The following PI4K2A variants were observed in gnomAD, a reference collection of about 807,000 sequenced individuals.
The protein encoded by PI4K2A is phosphatidylinositol 4-kinase type 2-alpha.
PI4K2A carries 20 observed loss-of-function variants against 55.0 expected under a neutral mutation model. That is an observed-to-expected ratio of 0.36 (90% confidence interval 0.26 to 0.53). PI4K2A has a LOEUF of 0.53. PI4K2A is among the 20% of genes least tolerant of loss of function. The probability of loss-of-function intolerance (pLI) is 0.91; values close to 1 mark genes in which losing one functional copy is unlikely to be tolerated. For synonymous variants in PI4K2A, 235 were observed against 258.5 expected, an observed-to-expected ratio of 0.91 and a Z score of 0.87; for missense variants, 463 against 637.1, an observed-to-expected ratio of 0.73 and a Z score of 2.94.
intron 1 of PI4K2A, among the ~76,000 whole-genome samples, chr10:97,650,640 A>G (rs563484562): frequency 1.9e-4 from 29 of 152,312 alleles, no homozygotes; most frequent in African/African-American, 6.0e-4. Context: ...TGTTTGAAGC[A>G]CAAAGTTAGA....
chr10:97,664,784 A>T (rs962539493), intron 5 of PI4K2A, 101 bp from the exon 6 acceptor site: 1 of 733,822 alleles, frequency 1.4e-6, no homozygotes. Context: ...TTCAATAAGA[A>T]TTCTTCTCTT....
At chr10:97,664,388 G>C (rs909371871) in intron 5 of PI4K2A, among the ~76,000 whole-genome samples, 2 of 152,178 alleles carry the variant, frequency 1.3e-5, no homozygotes, top group Admixed American at 1.3e-4. Context: ...CACTGAAGCA[G>C]GAGAACAGAC....
chr10:97,671,531 A>G (rs2041635240), intron 8 of PI4K2A, among the ~76,000 whole-genome samples: 1 of 152,214 alleles, frequency 6.6e-6, no homozygotes, highest in South Asian at 2.1e-4. Context: ...CTTTTCTCTA[A>G]ATTTAAAATT....
chr10:97,667,218 CTT>C, intron 8 of PI4K2A, 98 bp downstream of exon 8: 2 of 729,980 alleles, frequency 2.7e-6, no homozygotes, highest in Admixed American at 2.4e-5. Context: ...ATACCCCCCC[CTT>C]TTTTTTTGAG....
chr10:97,656,771 T>C lies in PI4K2A; in HGVS notation c.769-50T>C. On this transcript the variant is annotated intron_variant, in intron 3 of 8. Transcript: ENST00000370631. The surrounding 1 kb of genome is among the most constrained non-coding windows in gnomAD (Gnocchi z 4.5). ...TATCTGGCATATACTCCAAAGGTCT[T>C]TGGATTTGGGCAGTAGGGAAAAACC... 6.3e-7 allele frequency: 1 copy of C among 1,583,960 alleles called. No individual in the cohort carries two copies. Among genetic ancestry groups the C allele is most frequent in the Non-Finnish European group, 8.7e-7 (1 of 1,154,176 alleles).
At chr10:97,645,998 G>A (rs2041503278) in intron 1 of PI4K2A, among the ~76,000 whole-genome samples, 1 of 152,014 alleles carries the variant, frequency 6.6e-6, no homozygotes. Flanking sequence ...TGTGGCCCAG[G>A]GATCTTGACC....
intron 6 of PI4K2A, 138 bp downstream of exon 6, chr10:97,665,122 A>T (rs745536025): frequency 2.4e-5 from 14 of 576,604 alleles, no homozygotes; most frequent in Non-Finnish European, 4.3e-5. Flanking sequence ...ACTTTAACAC[A>T]ATGGCTGGCA....
intron 8 of PI4K2A, among the ~76,000 whole-genome samples, chr10:97,667,509 C>T (rs75615421): frequency 0.15 from 23,137 of 152,170 alleles, 2,307 homozygotes; most frequent in Non-Finnish European, 0.23. Flanking sequence ...TGCGCCCGGC[C>T]GTGTTTTACA....
intron 1 of PI4K2A, among the ~76,000 whole-genome samples, chr10:97,641,394 T>C (rs2041467664): frequency 6.6e-6 from 1 of 150,956 alleles, no homozygotes; most frequent in Admixed American, 6.6e-5. Flanking sequence ...GAGCGGAAAA[T>C]GAAAAGAGGA....
chr10:97,657,733 T>C (rs1478084848), intron 4 of PI4K2A, among the ~76,000 whole-genome samples: 1 of 152,022 alleles, frequency 6.6e-6, no homozygotes, highest in African/African-American at 2.4e-5. Context: ...ATTTTAATCA[T>C]AGTAAAATGC....
intron 1 of PI4K2A, among the ~76,000 whole-genome samples, chr10:97,648,417 T>G (rs1204395501): frequency 6.6e-6 from 1 of 152,094 alleles, no homozygotes; most frequent in Admixed American, 6.6e-5. Context: ...AGTCTTGTGG[T>G]ATTGCCCAAA....
intron 4 of PI4K2A, among the ~76,000 whole-genome samples, chr10:97,661,055 A>G (rs1439603590): frequency 6.6e-6 from 1 of 151,546 alleles, no homozygotes; most frequent in African/African-American, 2.4e-5. Context: ...GCAGTGGCCC[A>G]ATCTCGGTTC....
intron 4 of PI4K2A, among the ~76,000 whole-genome samples, chr10:97,659,473 C>CT (rs77191916): frequency 5.1e-4 from 75 of 146,768 alleles, no homozygotes; most frequent in Non-Finnish European, 6.6e-4. Context: ...AATTTTCCCT[C>CT]TTTTTTTTTT....
chr10:97,664,817 T>G, intron 5 of PI4K2A, 68 bp from the exon 6 acceptor site: 2 of 1,003,402 alleles, frequency 2.0e-6, no homozygotes, highest in Non-Finnish European at 3.2e-6. Context: ...ATGAGTTGCT[T>G]TGCTACTAAT....
chr10:97,646,798 G>GGGGTCTA (rs1163117276), intron 1 of PI4K2A, among the ~76,000 whole-genome samples: 3 of 151,844 alleles, frequency 2.0e-5, no homozygotes, highest in Non-Finnish European at 4.4e-5. Context: ...TTTTGAGAGG[G>GGGGTCTA]GGGTCTAGCT....
At chr10:97,664,198 A>C (rs74443121) in intron 5 of PI4K2A, among the ~76,000 whole-genome samples, 5,254 of 152,258 alleles carry the variant, frequency 0.035, 318 homozygotes, top group African/African-American at 0.12. Context: ...CACATTTAAT[A>C]AGGTATCTCA....
At position 97,642,884 on chromosome 10, in the gene PI4K2A, T is replaced by TCTTC. The variant is rs1246613020; in HGVS notation, c.435+1747_435+1750dup. ...CTTTCTTTTTCTTTCTTTCTTTCTT[T>TCTTC]CTTCCTTCCTTCCTTCCTTCCTTCC... On this transcript the variant is annotated intron_variant, in intron 1 of 8. Coordinates refer to ENST00000370631, the Ensembl canonical transcript of PI4K2A. 8.3e-3 allele frequency among the ~76,000 whole-genome samples: 804 copies of TCTTC among 96,660 alleles called. 49 individuals carry two copies. The highest frequency in any genetic ancestry group is 0.011 in the East Asian group (40 of 3,718). The allele number at this position is 96,660 out of a possible 152,430, so 63.4% of individuals were successfully genotyped here.
chr10:97,654,932 C>T (rs1283528988), intron 2 of PI4K2A, among the ~76,000 whole-genome samples: 9 of 152,042 alleles, frequency 5.9e-5, no homozygotes, highest in Admixed American at 5.9e-4. Flanking sequence ...TCCCTGCTAC[C>T]CCTATCTCCT....
At chr10:97,657,219 A>T (rs2041559274) in intron 4 of PI4K2A, among the ~76,000 whole-genome samples, 1 of 152,202 alleles carries the variant, frequency 6.6e-6, no homozygotes, top group Admixed American at 6.5e-5. Context: ...ATCCCTAGTC[A>T]TTCTTGTAGC....
Sources: gnomAD v4.1 joint callset for allele counts (sites outside exome capture counted in the v4.1 genomes callset) on GRCh38, gnomAD v4.1.1 for gene constraint, Gnocchi (gnomAD v3.1) non-coding constraint, MANE v1.5 for transcripts, NCBI Gene and HGNC (gene_info 2026-07-23, HGNC 2026-07-21) for gene names.